The following DNAJC21 variants were observed in gnomAD, a reference collection of about 807,000 sequenced individuals.
DNAJC21 encodes the protein dnaJ homolog subfamily C member 21.
Under a neutral mutation model 72.4 loss-of-function variants are expected in DNAJC21, and 63 were observed. The observed-to-expected ratio is 0.87, with a 90% CI of 0.71 to 1.07. The LOEUF is 1.07. Among genes scored for constraint, DNAJC21 ranks in the 50% least tolerant of loss-of-function variants. The pLI, the probability that DNAJC21 is intolerant of heterozygous loss-of-function variation, is 0.00. For synonymous variants in DNAJC21, 203 were observed against 216.7 expected, an observed-to-expected ratio of 0.94 and a Z score of 0.56; for missense variants, 634 against 644.8, an observed-to-expected ratio of 0.98 and a Z score of 0.18.
chr5:34,940,033 G>A (rs980447965), intron 6 of DNAJC21, among the ~76,000 whole-genome samples: 8 of 152,118 alleles, frequency 5.3e-5, no homozygotes, highest in South Asian at 2.1e-4. Flanking sequence ...AATTTCCATC[G>A]AGTTTTACAA....
intron 1 of DNAJC21, among the ~76,000 whole-genome samples, chr5:34,931,747 G>A (rs116529097): frequency 3.1e-3 from 471 of 152,208 alleles, no homozygotes; most frequent in African/African-American, 0.011. Context: ...GGGAGAGTCC[G>A]CAGTGGACAG....
rs537224358 is a variant in DNAJC21 at position 34,941,037 on chromosome 5, A to G, written c.896-59A>G. The G allele has an allele frequency of 3.9e-6, 5 of 1,271,998 alleles. No individual in the cohort carries two copies. In the South Asian group the frequency reaches 4.0e-5, roughly 10 times the overall value. The allele number at this position is 1,271,998 out of a possible 1,614,324, so 78.8% of individuals were successfully genotyped here. A position where few individuals can be genotyped will look rare whatever the true frequency, so the allele number is the denominator to read the frequency against. ...AAAATTTAATTTCTAATTTGTTAGC[A>G]TATTTTAGATTTGTGCTCTGATCAA... On this transcript the variant is annotated intron_variant, in intron 6 of 11. Transcript: ENST00000648817.
chr5:34,952,503 T>C (rs2112103529), intron 10 of DNAJC21: 1 of 154,644 alleles, frequency 6.5e-6, no homozygotes, highest in South Asian at 2.1e-4. Context: ...TTATAACCCA[T>C]CCTGTCTGTT....
intron 1 of DNAJC21, among the ~76,000 whole-genome samples, chr5:34,933,395 C>T (rs746566940): frequency 6.6e-6 from 1 of 152,140 alleles, no homozygotes; most frequent in Non-Finnish European, 1.5e-5. Flanking sequence ...CTTCAGCCTC[C>T]CGAGTAGTTG....
chr5:34,938,706 C>T (rs961356446), intron 5 of DNAJC21, 152 bp from the exon 6 acceptor site: 1 of 732,012 alleles, frequency 1.4e-6, no homozygotes, highest in African/African-American at 1.8e-5. Context: ...AGTGACTTTG[C>T]CTTGGTTTTA....
In DNAJC21 at chr5:34,956,796, A is replaced by T. The variant is rs1765549161; in HGVS notation, c.*2082A>T. ...CTTCATGGGTTGTGACTGGAAGCTG[A>T]CCTTAGTCTTGCGTCTCATCCTTTA... On this transcript the variant is annotated 3_prime_UTR_variant, in exon 12 of 12. Transcript: ENST00000648817. The T allele has an allele frequency of 6.6e-6, 1 of 152,188 alleles. No homozygotes were observed. Among genetic ancestry groups the T allele is most frequent in the Non-Finnish European group, 1.5e-5 (1 of 68,044 alleles). 9.4% of individuals were successfully genotyped at this position (152,188 alleles called of 1,614,324 possible).
Position 34,944,871 on chromosome 5 carries a change from A to C in DNAJC21, c.988A>C (p.Lys330Gln), listed in dbSNP as rs1239254251. Residue 330 changes from lysine (K) to glutamine (Q), a missense_variant, in exon 8 of 12, where the codon AAG (lysine) becomes CAG (glutamine). Transcript: ENST00000648817. ...DKSFKTEKAM[K>Q]NHEKSKKHRE... is the part of the protein sequence containing the mutation. Reference sequence around the variant, plus strand: ...CACGTCAGATTGCTCTTTCAGCATGAAGAATCACGAGAAGTCAAAGAAGCA... The same window carrying C: ...CACGTCAGATTGCTCTTTCAGCATGCAGAATCACGAGAAGTCAAAGAAGCA... 6.2e-6 allele frequency: 10 copies of C among 1,614,158 alleles called. No homozygotes were observed. The highest frequency in any genetic ancestry group is 7.6e-6 in the Non-Finnish European group (9 of 1,180,006).
chr5:34,950,344 T>A lies in DNAJC21; in HGVS notation c.1358+2T>A. 6.2e-7 allele frequency: 1 copy of A among 1,606,614 alleles called. No homozygotes were observed. Among genetic ancestry groups the A allele is most frequent in the Non-Finnish European group, 8.5e-7 (1 of 1,177,366 alleles). ...TGATCCAAAAAGTGAAGCTAAAAGGTAAGTCAAAGTTGCATATTATTTGTA... is the reference window on the plus strand; with the variant it reads ...TGATCCAAAAAGTGAAGCTAAAAGGAAAGTCAAAGTTGCATATTATTTGTA... On this transcript the variant is annotated splice_donor_variant, in intron 10 of 11. Transcript: ENST00000648817. LOFTEE classifies it high-confidence loss of function.
At chr5:34,954,125 A>C (rs1347722178) in intron 11 of DNAJC21, 124 bp downstream of exon 11, 1 of 817,458 alleles carries the variant, frequency 1.2e-6, no homozygotes, top group Non-Finnish European at 1.8e-6. Flanking sequence ...ATGTGGATCC[A>C]TCAACAGTTT....
intron 1 of DNAJC21, chr5:34,930,152 G>A (rs1345422778): frequency 3.1e-6 from 1 of 320,330 alleles, no homozygotes; most frequent in African/African-American, 2.2e-5. Flanking sequence ...CCCCGGCCCC[G>A]CATCGCCACT....
chr5:34,932,375 C>A (rs1295043984), intron 1 of DNAJC21, among the ~76,000 whole-genome samples: 1 of 149,554 alleles, frequency 6.7e-6, no homozygotes, highest in Non-Finnish European at 1.5e-5. Context: ...GAGCCAAGAT[C>A]GCGCCACTGC....
chr5:34,948,163 T>C (rs1455798961), intron 9 of DNAJC21, among the ~76,000 whole-genome samples: 1 of 152,128 alleles, frequency 6.6e-6, no homozygotes, highest in African/African-American at 2.4e-5. Context: ...TAGAGTTGGA[T>C]TGAAGTGGAG....
At chr5:34,939,268 T>G (rs968892358) in intron 6 of DNAJC21, among the ~76,000 whole-genome samples, 4 of 152,092 alleles carry the variant, frequency 2.6e-5, no homozygotes, top group Admixed American at 2.0e-4. Context: ...ACTATTTTTT[T>G]TTTTTTTTGA....
chr5:34,949,663 C>T, intron 9 of DNAJC21: 7 of 1,613,720 alleles, frequency 4.3e-6, no homozygotes, highest in Non-Finnish European at 5.9e-6. Flanking sequence ...CAAAATGTTG[C>T]TTGAAAACAG....
At chr5:34,943,822 T>G (rs1036038670) in intron 7 of DNAJC21, among the ~76,000 whole-genome samples, 2 of 152,230 alleles carry the variant, frequency 1.3e-5, no homozygotes, top group East Asian at 3.8e-4. Flanking sequence ...ATTTATTTCT[T>G]TTTTTCAGTG....
chr5:34,933,878 A>T lies in DNAJC21; in HGVS notation c.161A>T (p.Asp54Val). 6.2e-7 allele frequency: 1 copy of T among 1,613,956 alleles called. No individual in the cohort carries two copies. Among genetic ancestry groups the T allele is most frequent in the Admixed American group, 1.7e-5 (1 of 59,990 alleles). Residue 54 changes from aspartate (D) to valine (V), a missense_variant, in exon 2 of 12, where the codon GAT becomes GTT. By Grantham distance (152) the Asp-to-Val change is radical (BLOSUM62 -3). Coordinates refer to ENST00000648817, the MANE Select transcript of DNAJC21 (RefSeq NM_001012339.3). Reference sequence around the variant, plus strand: ...TTTAAATTAATCCAAGCAGCATATGATGTGTTGAGTGACCCTCAGGAAAGA... The same window carrying T: ...TTTAAATTAATCCAAGCAGCATATGTTGTGTTGAGTGACCCTCAGGAAAGA... Reference protein sequence around the residue: ...EQFKLIQAAYDVLSDPQERAW... With the variant: ...EQFKLIQAAYVVLSDPQERAW...
chr5:34,935,648 A>G (rs1764742884), intron 2 of DNAJC21, 62 bp from the exon 3 acceptor site: 1 of 1,600,520 alleles, frequency 6.2e-7, no homozygotes, highest in Admixed American at 1.7e-5. Context: ...AAAAGGAGCA[A>G]GAAATCCTTT....
intron 10 of DNAJC21, chr5:34,951,283 G>C: frequency 1.0e-6 from 1 of 985,436 alleles, no homozygotes; most frequent in South Asian, 4.7e-5. Context: ...CTGACACCAG[G>C]TGTTTGTTCC....
chr5:34,949,707 T>C, intron 9 of DNAJC21: 1 of 1,612,120 alleles, frequency 6.2e-7, no homozygotes, highest in South Asian at 1.1e-5. Flanking sequence ...GCCAGGCGTC[T>C]TTCTTTTATA....
Sources: allele counts gnomAD v4.1 joint callset (sites outside exome capture counted in the v4.1 genomes callset), GRCh38; gene constraint gnomAD v4.1.1; transcripts MANE v1.5; gene names NCBI Gene and HGNC (gene_info 2026-07-23, HGNC 2026-07-21).